The following MIR2052HG variants were observed in gnomAD, a reference collection of about 807,000 sequenced individuals.
The protein encoded by MIR2052HG is MIR2052 host gene.
At chr8:74,640,232 G>A (rs1431522822) in intron 2 of MIR2052HG, among the ~76,000 whole-genome samples, 3 of 152,026 alleles carry the variant, frequency 2.0e-5, no homozygotes, top group African/African-American at 7.2e-5. Flanking sequence ...GCCAAGGCAG[G>A]TGGATCAGGT....
rs58034368 is a variant in MIR2052HG, at chr8:74,652,287, C to T, written n.216+39347C>T. 7.9e-4 allele frequency among the ~76,000 whole-genome samples: 121 copies of T among 152,252 alleles called. 2 individuals carry two copies. The East Asian group carries it at 0.023, about 29-fold the overall frequency. On this transcript the variant is annotated intron_variant and non_coding_transcript_variant, in intron 2 of 6. Transcript: ENST00000523442. ...AATGTGGCCATATGACTTACTCTGGCCAGTGAAATATAAGTGGACGTGACA... is the reference window on the plus strand; with the variant it reads ...AATGTGGCCATATGACTTACTCTGGTCAGTGAAATATAAGTGGACGTGACA...
chr8:74,707,896 C>A (rs1393354385), intron 4 of MIR2052HG, among the ~76,000 whole-genome samples: 1 of 151,952 alleles, frequency 6.6e-6, no homozygotes, highest in Non-Finnish European at 1.5e-5. Flanking sequence ...ACAAAGGCAC[C>A]CAGGAGGTGC....
At chr8:74,623,376 AAGG>A (rs1480997572) in intron 2 of MIR2052HG, among the ~76,000 whole-genome samples, 8 of 152,232 alleles carry the variant, frequency 5.3e-5, no homozygotes, top group Non-Finnish European at 7.3e-5. Context: ...CTGGGGCAAG[AAGG>A]AGAACATGCA....
At chr8:74,630,541 A>AAT (rs1349145867) in intron 2 of MIR2052HG, among the ~76,000 whole-genome samples, 1 of 151,928 alleles carries the variant, frequency 6.6e-6, no homozygotes, top group Admixed American at 6.6e-5. Context: ...AAAAAAAAAA[A>AAT]AAAGAAAAAA....
intron 4 of MIR2052HG, among the ~76,000 whole-genome samples, chr8:74,748,262 C>A (rs1809907774): frequency 6.6e-6 from 1 of 152,148 alleles, no homozygotes; most frequent in African/African-American, 2.4e-5. Flanking sequence ...AAAACAGATT[C>A]CAACTACATC....
chr8:74,608,058 C>T (rs566616451), intron 1 of MIR2052HG, among the ~76,000 whole-genome samples: 218 of 152,240 alleles, frequency 1.4e-3, no homozygotes, highest in African/African-American at 5.1e-3. Flanking sequence ...GAGAATTTTG[C>T]ATGGGACTTT....
At position 74,669,923 on chromosome 8, in the gene MIR2052HG, G is replaced by A. The variant is rs961655490; in HGVS notation, n.217-32456G>A. 6.6e-5 allele frequency among the ~76,000 whole-genome samples: 10 copies of A among 152,274 alleles called. No homozygotes were observed. The South Asian group carries it at 2.1e-3, about 32-fold the overall frequency. Reference sequence around the variant, plus strand: ...TTCATGTTGAAACTCTGACTCCAGTGTGTCTATATCTGGAGACAGGGCCTT... The same window carrying A: ...TTCATGTTGAAACTCTGACTCCAGTATGTCTATATCTGGAGACAGGGCCTT... On this transcript the variant is annotated intron_variant and non_coding_transcript_variant, in intron 2 of 6. Transcript: ENST00000523442.
At chr8:74,702,734 TAATC>T (rs1014313642) in intron 3 of MIR2052HG, among the ~76,000 whole-genome samples, 20 of 152,166 alleles carry the variant, frequency 1.3e-4, no homozygotes, top group African/African-American at 4.6e-4. Context: ...CTGAATTTAA[TAATC>T]AATTCAATCA....
chr8:74,632,429 C>G (rs1808524550), intron 2 of MIR2052HG: 1 of 152,056 alleles, frequency 6.6e-6, no homozygotes, highest in Non-Finnish European at 1.5e-5. Context: ...GCCCGTGTCT[C>G]TCCCTGAGTG....
chr8:74,653,654 A>G (rs1026702269), intron 2 of MIR2052HG, among the ~76,000 whole-genome samples: 12 of 152,196 alleles, frequency 7.9e-5, no homozygotes, highest in Non-Finnish European at 1.3e-4. Flanking sequence ...AACCAATGGG[A>G]CCACACCTGA....
chr8:74,612,447 G>A (rs982979758), intron 1 of MIR2052HG: 1 of 165,222 alleles, frequency 6.1e-6, no homozygotes, highest in Non-Finnish European at 1.3e-5. Context: ...ATAGAGAACT[G>A]ACATACCTTA....
intron 2 of MIR2052HG, among the ~76,000 whole-genome samples, chr8:74,618,415 G>C (rs1383792313): frequency 6.6e-6 from 1 of 152,136 alleles, no homozygotes; most frequent in Non-Finnish European, 1.5e-5. Flanking sequence ...CTGGCACATA[G>C]TCAGCACTCT....
chr8:74,619,527 G>T (rs1299395921), intron 2 of MIR2052HG, among the ~76,000 whole-genome samples: 1 of 152,212 alleles, frequency 6.6e-6, no homozygotes, highest in Non-Finnish European at 1.5e-5. Flanking sequence ...TGCTTGGGAG[G>T]CCTCAGGAAA....
chr8:74,668,124 A>C (rs1274942539), intron 2 of MIR2052HG, among the ~76,000 whole-genome samples: 1 of 151,808 alleles, frequency 6.6e-6, no homozygotes, highest in East Asian at 1.9e-4. Flanking sequence ...AAAGAAATGT[A>C]GAAGAAGTGG....
At chr8:74,690,594 C>G (rs535218405) in intron 2 of MIR2052HG, among the ~76,000 whole-genome samples, 1 of 151,630 alleles carries the variant, frequency 6.6e-6, no homozygotes, top group South Asian at 2.1e-4. Flanking sequence ...TTTGCAGATC[C>G]GAGCCGAGAT....
chr8:74,667,949 G>T (rs1455873484), intron 2 of MIR2052HG, among the ~76,000 whole-genome samples: 8 of 151,808 alleles, frequency 5.3e-5, no homozygotes, highest in Non-Finnish European at 1.2e-4. Context: ...TCCAGATGTT[G>T]TCAGGCATGT....
chr8:74,661,859 T>C (rs1049164579), intron 2 of MIR2052HG, among the ~76,000 whole-genome samples: 6 of 152,174 alleles, frequency 3.9e-5, no homozygotes, highest in African/African-American at 1.4e-4. Context: ...GGAACTACTA[T>C]CATTCAAAAA....
chr8:74,664,720 T>C (rs1808903487), intron 2 of MIR2052HG, among the ~76,000 whole-genome samples: 1 of 152,164 alleles, frequency 6.6e-6, no homozygotes, highest in South Asian at 2.1e-4. Flanking sequence ...GATTTCACCA[T>C]GTTGGCCAGC....
intron 2 of MIR2052HG, among the ~76,000 whole-genome samples, chr8:74,650,069 T>C (rs1218834521): frequency 2.6e-5 from 4 of 152,160 alleles, no homozygotes; most frequent in Admixed American, 1.3e-4. Flanking sequence ...TGGTTTTATA[T>C]TTATTAGTGA....
Sources: allele counts gnomAD v4.1 joint callset (sites outside exome capture counted in the v4.1 genomes callset), GRCh38; gene constraint gnomAD v4.1.1; transcripts MANE v1.5; gene names NCBI Gene and HGNC (gene_info 2026-07-23, HGNC 2026-07-21).